Variants in MKLN1 observed in about 807,000 individuals in gnomAD.
MKLN1 encodes muskelin.
In MKLN1, 18 loss-of-function variants were observed where a neutral mutation model predicts 99.0. The ratio of observed to expected loss-of-function variants is 0.18; its 90% confidence interval spans 0.13 to 0.27. MKLN1 has a LOEUF of 0.27. Ranked by LOEUF, MKLN1 falls within the 10% of genes least tolerant of loss-of-function variation. The pLI, the probability that MKLN1 is intolerant of heterozygous loss-of-function variation, is 1.00. For missense variants in MKLN1, 621 were observed against 875.9 expected, an observed-to-expected ratio of 0.71 and a Z score of 3.67; for synonymous variants, 288 against 293.2, an observed-to-expected ratio of 0.98 and a Z score of 0.18.
At chr7:131,480,773 G>C (rs1797100693) in intron 17 of MKLN1, among the ~76,000 whole-genome samples, 1 of 152,254 alleles carries the variant, frequency 6.6e-6, no homozygotes, top group Non-Finnish European at 1.5e-5. Flanking sequence ...ATGAATTGGG[G>C]GTCTGGCATA....
chr7:131,446,685 T>G (rs1796028143), intron 12 of MKLN1, among the ~76,000 whole-genome samples: 1 of 152,332 alleles, frequency 6.6e-6, no homozygotes, highest in Admixed American at 6.5e-5. Flanking sequence ...TAATACAAGC[T>G]TCCTTTAAAA....
At chr7:131,167,827 T>C (rs1299318224) in intron 2 of MKLN1, among the ~76,000 whole-genome samples, 1 of 152,212 alleles carries the variant, frequency 6.6e-6, no homozygotes, top group Non-Finnish European at 1.5e-5. Flanking sequence ...CTTAATGATA[T>C]ATTATTCACT....
chr7:131,392,934 G>A (rs575522331), intron 4 of MKLN1, among the ~76,000 whole-genome samples: 1 of 151,028 alleles, frequency 6.6e-6, no homozygotes, highest in Admixed American at 6.6e-5. Flanking sequence ...AAGAGGCAGA[G>A]TCTTGCTCTG....
chr7:131,141,792 G>A lies in MKLN1; in HGVS notation c.-418-1028G>A, dbSNP rs149821650. 8.9e-3 allele frequency among the ~76,000 whole-genome samples: 1,357 copies of A among 152,166 alleles called. 21 individuals carry two copies. The highest frequency in any genetic ancestry group is 0.031 in the African/African-American group (1,286 of 41,500). ...CTCAGTACTTATCTCTTCATAACAC[G>A]CTTCTCTATCACAGCTGACTTTCCT... On this transcript the variant is annotated intron_variant, in intron 1 of 7. Coordinates refer to the MKLN1 transcript ENST00000416992.
At chr7:131,439,812 A>G (rs1158936600) in intron 10 of MKLN1, among the ~76,000 whole-genome samples, 1 of 151,744 alleles carries the variant, frequency 6.6e-6, no homozygotes, top group African/African-American at 2.4e-5. Context: ...GCTTTCCTTG[A>G]TGTTGCTTTG....
intron 1 of MKLN1, among the ~76,000 whole-genome samples, chr7:131,335,001 G>A (rs1027181530): frequency 9.2e-5 from 14 of 152,142 alleles, no homozygotes; most frequent in Non-Finnish European, 4.4e-5. Context: ...GTTGATCCGG[G>A]TATCTTCTCT....
At chr7:131,275,565 A>ATTTT (rs1429291720) in intron 3 of MKLN1, among the ~76,000 whole-genome samples, 1 of 6,604 alleles carries the variant, frequency 1.5e-4, no homozygotes, top group Non-Finnish European at 2.5e-4. Context: ...ATATATATAT[A>ATTTT]TATTTTTTTT....
intron 3 of MKLN1, among the ~76,000 whole-genome samples, chr7:131,275,967 C>G (rs1432538653): frequency 1.3e-5 from 2 of 152,154 alleles, no homozygotes; most frequent in African/African-American, 4.8e-5. Context: ...ACCCGGCCCA[C>G]TGGAGGAGCA....
intron 1 of MKLN1, among the ~76,000 whole-genome samples, chr7:131,343,006 A>G (rs1799451260): frequency 6.6e-6 from 1 of 152,246 alleles, no homozygotes; most frequent in Non-Finnish European, 1.5e-5. Context: ...ATGGTTCAAT[A>G]GGAGGTAGCA....
At chr7:131,474,071 A>T (rs1796900976) in intron 16 of MKLN1, among the ~76,000 whole-genome samples, 1 of 152,020 alleles carries the variant, frequency 6.6e-6, no homozygotes, top group African/African-American at 2.4e-5. Flanking sequence ...AATCTCTTGA[A>T]CCCGGGAGGT....
At chr7:131,346,279 T>G (rs1315000019) in intron 1 of MKLN1, among the ~76,000 whole-genome samples, 1 of 152,150 alleles carries the variant, frequency 6.6e-6, no homozygotes, top group African/African-American at 2.4e-5. Context: ...TCCCAGCACT[T>G]TGGGAGGCCA....
chr7:131,146,949 G>A lies in MKLN1; in HGVS notation c.-297+4008G>A, dbSNP rs148269547. On this transcript the variant is annotated intron_variant, in intron 2 of 7. Transcript: ENST00000416992. The stretch of plus-strand genomic sequence containing the variant: ...TTGTGACAAATGCTATAGCAGTTGC[G>A]TGTATGTTTTTTAAGTATGATGGAA... Among the ~76,000 whole-genome samples the A allele has an allele frequency of 8.6e-3, 1,316 of 152,280 alleles. 18 individuals carry two copies. Among genetic ancestry groups the A allele is most frequent in the African/African-American group, 0.03 (1,245 of 41,544 alleles).
chr7:131,273,970 C>T (rs2116563428), intron 3 of MKLN1, among the ~76,000 whole-genome samples: 1 of 152,232 alleles, frequency 6.6e-6, no homozygotes, highest in Non-Finnish European at 1.5e-5. Flanking sequence ...TATTGTTAAG[C>T]TCATTCAATA....
chr7:131,145,200 C>T (rs1182361520), intron 2 of MKLN1, among the ~76,000 whole-genome samples: 1 of 152,114 alleles, frequency 6.6e-6, no homozygotes, highest in Non-Finnish European at 1.5e-5. Context: ...CTCCCCACCC[C>T]CAATCCTGAC....
At chr7:131,145,688 G>T (rs970791074) in intron 2 of MKLN1, among the ~76,000 whole-genome samples, 6 of 152,254 alleles carry the variant, frequency 3.9e-5, no homozygotes, top group Non-Finnish European at 8.8e-5. Context: ...AAAGTTTGAG[G>T]TCTATCCGGC....
intron 3 of MKLN1, among the ~76,000 whole-genome samples, chr7:131,230,098 C>G (rs1482240461): frequency 6.6e-6 from 1 of 152,196 alleles, no homozygotes; most frequent in Non-Finnish European, 1.5e-5. Flanking sequence ...TAACAAGATT[C>G]TGTGGTTTGT....
At chr7:131,124,193 T>A (rs1386678104) in intron 1 of MKLN1, among the ~76,000 whole-genome samples, 1 of 151,948 alleles carries the variant, frequency 6.6e-6, no homozygotes, top group African/African-American at 2.4e-5. Context: ...AGACAATGAG[T>A]AAATGGTAGC....
At chr7:131,471,050 A>C (rs1796806612) in intron 16 of MKLN1, 106 bp downstream of exon 16, 2 of 688,672 alleles carry the variant, frequency 2.9e-6, no homozygotes, top group African/African-American at 3.7e-5. Context: ...AACGAAGAAA[A>C]TATGATGACA....
chr7:131,214,172 G>A (rs1180145628), intron 3 of MKLN1, among the ~76,000 whole-genome samples: 2 of 152,134 alleles, frequency 1.3e-5, no homozygotes, highest in Non-Finnish European at 2.9e-5. Flanking sequence ...ACAGGCATGA[G>A]CCACTGAGCC....
Sources: allele counts gnomAD v4.1 joint callset (sites outside exome capture counted in the v4.1 genomes callset), GRCh38; gene constraint gnomAD v4.1.1; transcripts MANE v1.5; gene names NCBI Gene and HGNC (gene_info 2026-07-23, HGNC 2026-07-21).